The following ATP6V0A2 variants were observed in gnomAD, a reference collection of about 807,000 sequenced individuals.
The protein encoded by ATP6V0A2 is V-type proton ATPase 116 kDa subunit a 2.
ATP6V0A2 carries 58 observed loss-of-function variants against 104.4 expected under a neutral mutation model. The ratio of observed to expected loss-of-function variants is 0.56; its 90% CI spans 0.45 to 0.69. The LOEUF (loss-of-function observed/expected upper bound fraction) is 0.69, where lower values mean the gene tolerates loss of function less well. Among genes scored for constraint, ATP6V0A2 ranks in the 30% least tolerant of loss-of-function variants. ATP6V0A2 has a pLI of 0.00. For missense variants in ATP6V0A2, 938 were observed against 1,062.9 expected (o/e 0.88, Z 1.63); for synonymous variants, 376 against 397.9 (o/e 0.95, Z 0.65).
chr12:123,714,348 G>C (rs1956320366), intron 1 of ATP6V0A2, among the ~76,000 whole-genome samples: 1 of 152,194 alleles, frequency 6.6e-6, no homozygotes, highest in Non-Finnish European at 1.5e-5. Flanking sequence ...CTTGTGTGGT[G>C]CTAGGTTTTC....
chr12:123,745,575 T>A lies in ATP6V0A2; in HGVS notation c.1605+603T>A, dbSNP rs538788802. Among the ~76,000 whole-genome samples the A allele has an allele frequency of 2.5e-3, 375 of 152,070 alleles. 3 individuals are homozygous for A. Among genetic ancestry groups the A allele is most frequent in the African/African-American group, 8.2e-3 (340 of 41,516 alleles). ...CAAAAAATTAGCTGGGTGTGGTGGC[T>A]GGCGCCTGTAGTCCCAGCTACTCAG... On this transcript the variant is annotated intron_variant, in intron 13 of 19. Transcript: ENST00000330342.
chr12:123,758,041 C>T lies in ATP6V0A2; in HGVS notation c.*9C>T. On this transcript the variant is annotated 3_prime_UTR_variant, in exon 20 of 20. Coordinates refer to ENST00000330342, the MANE Select transcript of ATP6V0A2 (RefSeq NM_012463.4). ...ACGACAGTGTGGCATGATCATATTG[C>T]TGTAACCAACAAGCTTTCAGATTTA... 1 of 1,547,966 alleles carries T rather than the reference C, an allele frequency of 6.5e-7. No individual in the cohort carries two copies. Among genetic ancestry groups the T allele is most frequent in the Non-Finnish European group, 8.9e-7 (1 of 1,120,006 alleles).
In ATP6V0A2 at chr12:123,722,416, G is replaced by T. The variant is rs771804638; in HGVS notation, c.262G>T (p.Ala88Ser). Reference sequence around the variant, plus strand: ...TCCTGAAGGAGAGGCCAGCCCTCCTGCGCCACCCCTGAAACAGGTTCTAGA... The same window carrying T: ...TCCTGAAGGAGAGGCCAGCCCTCCTTCGCCACCCCTGAAACAGGTTCTAGA... ...PLPEGEASPP[A>S]PPLKQVLEMQ... Residue 88 changes from alanine (A) to serine (S), a missense_variant, in exon 3 of 20, where the codon GCG (alanine) becomes TCG (serine). Physicochemically the swap from Ala to Ser is moderately conservative, Grantham distance 99. Transcript: ENST00000330342. 3 of 1,612,606 alleles carry T rather than the reference G, an allele frequency of 1.9e-6. No individual in the cohort carries two copies. The highest frequency in any genetic ancestry group is 2.5e-6 in the Non-Finnish European group (3 of 1,178,608).
Position 123,756,924 on chromosome 12 carries a change from C to A in ATP6V0A2, c.2403C>A (p.Thr801=). 1 of 1,614,204 alleles carries A rather than the reference C, an allele frequency of 6.2e-7. No individual in the cohort carries two copies. The highest frequency in any genetic ancestry group is 8.5e-7 in the Non-Finnish European group (1 of 1,180,040). ...LPVIALFAVL[T]IFILLIMEGL... is the part of the protein sequence containing the mutation. ...TTATCGCGCTCTTTGCAGTTTTGAC[C>A]ATTTTCATCCTTCTGATCATGGAAG... is the stretch of plus-strand genomic sequence containing the variant. The change falls in exon 19 of 20, where the codon ACC becomes ACA. Residue 801 remains threonine (T), a synonymous_variant. Coordinates refer to ENST00000330342, the MANE Select transcript of ATP6V0A2 (RefSeq NM_012463.4).
chr12:123,720,218 A>G (rs768878639), intron 2 of ATP6V0A2, among the ~76,000 whole-genome samples: 1 of 152,086 alleles, frequency 6.6e-6, no homozygotes, highest in Non-Finnish European at 1.5e-5. Context: ...ATCTAGTCCT[A>G]TTCATATTGC....
At chr12:123,727,730 T>A (rs1018768526) in intron 5 of ATP6V0A2, 53 bp from the exon 6 acceptor site, 2 of 1,609,744 alleles carry the variant, frequency 1.2e-6, no homozygotes, top group African/African-American at 2.7e-5. Flanking sequence ...TAATGTAGTT[T>A]GATAACATTT....
At chr12:123,752,512 G>A (rs1956726046) in intron 17 of ATP6V0A2, 110 bp downstream of exon 17, 1 of 1,348,528 alleles carries the variant, frequency 7.4e-7, no homozygotes. Flanking sequence ...TAAGAAAATG[G>A]GACTTCCAGC....
intron 1 of ATP6V0A2, 72 bp from the exon 2 acceptor site, chr12:123,718,548 GTGA>G: frequency 9.0e-7 from 1 of 1,117,262 alleles, no homozygotes; most frequent in Non-Finnish European, 1.3e-6. Flanking sequence ...CCAAACTTTG[GTGA>G]TGTTTTATTT....
At position 123,744,140 on chromosome 12, in the gene ATP6V0A2, A is replaced by C; in HGVS notation, c.1190-61A>C. ...AGATTGTTATGTATCATTGTGTTTG[A>C]ATGAACTCAGGTTTTCCATATTTGC... On this transcript the variant is annotated intron_variant, in intron 10 of 19. Coordinates refer to ENST00000330342, the MANE Select transcript of ATP6V0A2 (RefSeq NM_012463.4). The surrounding 1 kb of genome is among the most constrained non-coding windows in gnomAD (Gnocchi z 5.4). The C allele has an allele frequency of 6.2e-7, 1 of 1,606,510 alleles. No individual in the cohort carries two copies. The highest frequency in any genetic ancestry group is 8.5e-7 in the Non-Finnish European group (1 of 1,173,546).
intron 1 of ATP6V0A2, among the ~76,000 whole-genome samples, chr12:123,713,645 G>A (rs1956313364): frequency 6.6e-6 from 1 of 152,056 alleles, no homozygotes; most frequent in Non-Finnish European, 1.5e-5. Flanking sequence ...TGTGGGAGGA[G>A]ACAGATTAAA....
In ATP6V0A2 at chr12:123,744,186, C is replaced by A. The variant is rs776635022; in HGVS notation, c.1190-15C>A. On this transcript the variant is annotated splice_polypyrimidine_tract_variant and intron_variant, in intron 10 of 19. Transcript: ENST00000330342. The surrounding 1 kb of genome is among the most constrained non-coding windows in gnomAD (Gnocchi z 5.4). Reference sequence around the variant, plus strand: ...TTTGCTGTGAATCAGAAATCTCTTTCCCTTTTTTCTGCAGCTCTCTTTACC... The same window carrying A: ...TTTGCTGTGAATCAGAAATCTCTTTACCTTTTTTCTGCAGCTCTCTTTACC... 2.7e-5 allele frequency: 43 copies of A among 1,614,008 alleles called. No individual in the cohort carries two copies. Among genetic ancestry groups the A allele is most frequent in the Non-Finnish European group, 3.6e-5 (43 of 1,180,040 alleles).
intron 16 of ATP6V0A2, among the ~76,000 whole-genome samples, chr12:123,752,031 G>A (rs540815489): frequency 1.3e-5 from 2 of 151,852 alleles, no homozygotes; most frequent in African/African-American, 2.4e-5. Flanking sequence ...GCTAATTTTT[G>A]TATTTTTTGT....
Position 123,743,892 on chromosome 12 carries a change from C to T in ATP6V0A2, c.1146C>T (p.Ile382=), listed in dbSNP as rs547299743. 1.1e-5 allele frequency: 17 copies of T among 1,614,070 alleles called. No individual in the cohort carries two copies. The highest frequency in any genetic ancestry group is 2.7e-5 in the African/African-American group (2 of 74,918). The change falls in exon 10 of 20, where the codon ATC becomes ATT. Residue 382 remains isoleucine (I), a synonymous_variant. Transcript: ENST00000330342. ...TNKFTEGFQN[I]VDAYGVGSYR... is the part of the protein sequence containing the mutation. ...AATTCACCGAGGGATTTCAGAACAT[C>T]GTGGATGCTTATGGAGTCGGAAGCT...
chr12:123,712,721 C>G (rs776227775), intron 1 of ATP6V0A2, 39 bp downstream of exon 1: 8 of 1,541,288 alleles, frequency 5.2e-6, no homozygotes, highest in Non-Finnish European at 7.1e-6. Flanking sequence ...CACCTGCTCT[C>G]CTGGCGCCCC....
intron 9 of ATP6V0A2, among the ~76,000 whole-genome samples, chr12:123,741,647 A>G (rs1056606353): frequency 6.6e-6 from 1 of 151,996 alleles, no homozygotes; most frequent in Admixed American, 6.6e-5. Context: ...ATTTTTTTGT[A>G]GAGATGGGGT....
In ATP6V0A2 at chr12:123,748,571, C is replaced by T; in HGVS notation, c.1725-4C>T. 1 of 1,610,002 alleles carries T rather than the reference C, an allele frequency of 6.2e-7. No individual in the cohort carries two copies. Among genetic ancestry groups the T allele is most frequent in the Non-Finnish European group, 8.5e-7 (1 of 1,176,258 alleles). On this transcript the variant is annotated splice_polypyrimidine_tract_variant and splice_region_variant and intron_variant, in intron 14 of 19. Coordinates refer to ENST00000330342, the MANE Select transcript of ATP6V0A2 (RefSeq NM_012463.4). ...TGGGTTGATTGATTCCTTTTCTTTC[C>T]TAGGCACTTCAGGAAGAAGTTCAAC... is the stretch of plus-strand genomic sequence containing the variant.
chr12:123,752,416 ACTG>A lies in ATP6V0A2; in HGVS notation c.2175+17_2175+19del. On this transcript the variant is annotated intron_variant, in intron 17 of 19. Coordinates refer to ENST00000330342, the MANE Select transcript of ATP6V0A2 (RefSeq NM_012463.4). The stretch of plus-strand genomic sequence containing the variant: ...GCGTGTGAAGAGGTAAATCTTTTCA[ACTG>A]CTATTGATAAACTTAGATAAGTAAC... 1 of 1,613,808 alleles carries A rather than the reference ACTG, an allele frequency of 6.2e-7. No homozygotes were observed. Among genetic ancestry groups the A allele is most frequent in the Non-Finnish European group, 8.5e-7 (1 of 1,179,698 alleles).
At chr12:123,718,397 G>C (rs1196048934) in intron 1 of ATP6V0A2, among the ~76,000 whole-genome samples, 1 of 151,874 alleles carries the variant, frequency 6.6e-6, no homozygotes, top group African/African-American at 2.4e-5. Context: ...CCTAATTTTT[G>C]TATTTTTAGC....
In ATP6V0A2 at chr12:123,748,660, A is replaced by G; in HGVS notation, c.1810A>G (p.Met604Val). The G allele has an allele frequency of 6.2e-7, 1 of 1,614,008 alleles. No individual in the cohort carries two copies. Among genetic ancestry groups the G allele is most frequent in the Non-Finnish European group, 8.5e-7 (1 of 1,179,940 alleles). ...MLCIFGYLIF[M>V]IFYKWLVFSA... ...CTGTATCTTTGGATACCTTATATTT[A>G]TGATTTTCTACAAGTGGCTGGTTTT... Residue 604 changes from methionine to valine, a missense_variant, in exon 15 of 20, where the codon ATG becomes GTG. Physicochemically the swap from Met to Val is conservative, Grantham distance 21. Coordinates refer to ENST00000330342, the MANE Select transcript of ATP6V0A2 (RefSeq NM_012463.4).
Sources: gnomAD v4.1 joint callset for allele counts (sites outside exome capture counted in the v4.1 genomes callset) on GRCh38, gnomAD v4.1.1 for gene constraint, Gnocchi (gnomAD v3.1) non-coding constraint, MANE v1.5 for transcripts, NCBI Gene and HGNC (gene_info 2026-07-23, HGNC 2026-07-21) for gene names.